Variants in ERCC6L observed in about 807,000 individuals in gnomAD.
ERCC6L encodes the protein ERCC excision repair 6 like, spindle assembly checkpoint helicase, also known as DNA excision repair protein ERCC-6-like.
In ERCC6L, 7 loss-of-function variants were observed where a neutral mutation model predicts 20.1. The ratio of observed to expected loss-of-function variants is 0.35; its 90% CI spans 0.20 to 0.65. The LOEUF is 0.65. Ranked by LOEUF, ERCC6L falls within the 30% of genes least tolerant of loss-of-function variation. The pLI, the probability that ERCC6L is intolerant of heterozygous loss-of-function variation, is 0.69. For missense variants in ERCC6L, 592 were observed against 892.4 expected (o/e 0.66, Z 4.29); for synonymous variants, 278 against 331.3 (o/e 0.84, Z 1.75).
At chrX:72,237,182 T>A (rs2043021563) in intron 1 of ERCC6L, among the ~76,000 whole-genome samples, 1 of 111,606 alleles carries the variant, frequency 9.0e-6, no homozygotes, top group African/African-American at 3.3e-5. Context: ...AACAAAAGTA[T>A]AATGGCAAAC....
intron 1 of ERCC6L, chrX:72,238,083 G>A (rs774224957): frequency 8.0e-5 from 9 of 111,942 alleles, no homozygotes; most frequent in Non-Finnish European, 1.1e-4. Flanking sequence ...AAGTTCTGGA[G>A]ATGACGGACG....
intron 1 of ERCC6L, among the ~76,000 whole-genome samples, chrX:72,224,677 G>A (rs1317582198): frequency 1.8e-5 from 2 of 111,191 alleles, no homozygotes; most frequent in Non-Finnish European, 3.8e-5. Context: ...TCCGGGAGGT[G>A]GAGGTTGCAG....
Position 72,205,130 on chromosome X carries a change from ACT to A in ERCC6L, c.3635_3636del (p.Glu1212ValfsTer13). On this transcript the variant is annotated frameshift_variant, in exon 2 of 2. Coordinates refer to ENST00000334463, the MANE Select transcript of ERCC6L (RefSeq NM_017669.4). LOFTEE classifies it high-confidence loss of function. ...TTTAGGGCCTCCTGGATTTTTCCAC[ACT>A]CTTTTAGTTCTTTTCCACGCTTTAC... ...TLVKRGKELK[E>X]CGKIQEALNC... 1 of 1,210,914 alleles carries A rather than the reference ACT, an allele frequency of 8.3e-7. No homozygotes were observed. Among genetic ancestry groups the A allele is most frequent in the Non-Finnish European group, 1.1e-6 (1 of 895,236 alleles).
rs2042820598 is a variant in ERCC6L at position 72,206,413 on chromosome X, T to C, written c.2354A>G (p.Glu785Gly). 4.1e-6 allele frequency: 5 copies of C among 1,209,692 alleles called. No homozygotes were observed. The highest frequency in any genetic ancestry group is 5.6e-6 in the Non-Finnish European group (5 of 894,534). ...CTTTATACTGGAGAGATCTTGTTTC[T>C]CACCCTCTTTGGGCAGATCATCAAT... ...VVIDDLPKEGEKQDLSSIKVN... is the reference protein window; with the variant it reads ...VVIDDLPKEGGKQDLSSIKVN... Residue 785 changes from glutamate (E) to glycine (G), a missense_variant, in exon 2 of 2, where the codon GAG (glutamate) becomes GGG (glycine). Physicochemically the swap from Glu to Gly is moderately conservative, Grantham distance 98. Coordinates refer to ENST00000334463, the MANE Select transcript of ERCC6L (RefSeq NM_017669.4).
intron 1 of ERCC6L, among the ~76,000 whole-genome samples, chrX:72,214,280 A>G (rs2042874222): frequency 8.9e-6 from 1 of 112,306 alleles, no homozygotes; most frequent in Non-Finnish European, 1.9e-5. Context: ...TAAATTAGGG[A>G]AAAATGTGGT....
rs1317439506 is a variant in ERCC6L, at chrX:72,206,645, C to T, written c.2122G>A (p.Val708Ile). Residue 708 changes from valine to isoleucine, a missense_variant, in exon 2 of 2, where the codon GTT (valine) becomes ATT (isoleucine). This residue lies in a region of ERCC6L where 352 missense variants were observed against 402.6 expected (regional missense o/e 0.87). Transcript: ENST00000334463. ...TCTTTATTTTGAGACTCGAATTCAACGAGGAATTGAGCTTTCTGAACCCTT... is the reference window on the plus strand; with the variant it reads ...TCTTTATTTTGAGACTCGAATTCAATGAGGAATTGAGCTTTCTGAACCCTT... ...QQRVQKAQFL[V>I]EFESQNKEFL... 4 of 1,211,366 alleles carry T rather than the reference C, an allele frequency of 3.3e-6. No homozygotes were observed. Among genetic ancestry groups the T allele is most frequent in the East Asian group, 3.0e-5 (1 of 33,827 alleles).
intron 1 of ERCC6L, among the ~76,000 whole-genome samples, chrX:72,219,399 C>T (rs990417070): frequency 2.8e-5 from 3 of 108,745 alleles, no homozygotes; most frequent in Non-Finnish European, 5.7e-5. Context: ...ACTAAAAATA[C>T]AAAAATTAGC....
At chrX:72,214,485 C>A (rs1277522918) in intron 1 of ERCC6L, among the ~76,000 whole-genome samples, 3 of 110,054 alleles carry the variant, frequency 2.7e-5, no homozygotes, top group Non-Finnish European at 5.7e-5. Flanking sequence ...ACCAGCCTGG[C>A]CAACATGGTG....
chrX:72,211,796 AAAAG>A (rs1370359313), intron 1 of ERCC6L, among the ~76,000 whole-genome samples: 6 of 111,430 alleles, frequency 5.4e-5, no homozygotes, highest in Admixed American at 3.8e-4. Context: ...AATAAAAAAA[AAAAG>A]AAATATTATA....
intron 1 of ERCC6L, among the ~76,000 whole-genome samples, chrX:72,226,240 C>T (rs1285452895): frequency 1.8e-5 from 2 of 111,679 alleles, no homozygotes; most frequent in East Asian, 2.8e-4. Context: ...CTTACTTCCA[C>T]TCACATAAAG....
chrX:72,232,057 T>A (rs1400822705), intron 1 of ERCC6L, among the ~76,000 whole-genome samples: 2 of 109,489 alleles, frequency 1.8e-5, no homozygotes, highest in African/African-American at 6.7e-5. Context: ...CCAGCCTAGA[T>A]GACAGAGCGA....
In ERCC6L at chrX:72,204,866, G is replaced by T; in HGVS notation, c.*148C>A. The T allele has an allele frequency of 2.5e-6, 1 of 407,504 alleles. No individual in the cohort carries two copies. Among genetic ancestry groups the T allele is most frequent in the Middle Eastern group, 6.7e-4 (1 of 1,483 alleles). 33.6% of individuals were successfully genotyped at this position (407,504 alleles called of 1,213,427 possible). On this transcript the variant is annotated 3_prime_UTR_variant, in exon 2 of 2. Coordinates refer to ENST00000334463, the MANE Select transcript of ERCC6L (RefSeq NM_017669.4). ...AGTGCTCAGAATACCAGACTATGGA[G>T]TGGGGGGCGTTGCAGGGCAGAAGTT...
At position 72,207,575 on chromosome X, in the gene ERCC6L, G is replaced by A. The variant is rs144123832; in HGVS notation, c.1192C>T (p.Arg398Cys). 4.0e-5 allele frequency: 48 copies of A among 1,209,516 alleles called. No homozygotes were observed. The highest frequency in any genetic ancestry group is 1.5e-4 in the East Asian group (5 of 33,760). ...DHIKELLMET[R>C]SPLAELGVLK... ...ACACCTAGCTCAGCCAAAGGTGAGC[G>A]CGTCTCCATTAGCAACTCCTTGATA... The change falls in exon 2 of 2, where the codon CGC becomes TGC. Residue 398 changes from arginine (R) to cysteine (C), a missense_variant. By Grantham distance (180) the Arg-to-Cys change is radical (BLOSUM62 -3). Coordinates refer to ENST00000334463, the MANE Select transcript of ERCC6L (RefSeq NM_017669.4).
chrX:72,215,379 T>G (rs1351019552), intron 1 of ERCC6L, among the ~76,000 whole-genome samples: 1 of 111,798 alleles, frequency 8.9e-6, no homozygotes, highest in African/African-American at 3.3e-5. Context: ...GTATGAAAAT[T>G]TTACTTTAAA....
intron 1 of ERCC6L, among the ~76,000 whole-genome samples, chrX:72,210,064 G>T (rs376120163): frequency 5.5e-5 from 6 of 108,883 alleles, no homozygotes; most frequent in Non-Finnish European, 1.1e-4. Flanking sequence ...GCAACCAGAG[G>T]GGGGGAAGAG....
At chrX:72,232,626 T>G (rs3012648) in intron 1 of ERCC6L, among the ~76,000 whole-genome samples, 1 of 110,144 alleles carries the variant, frequency 9.1e-6, no homozygotes, top group South Asian at 3.8e-4. Context: ...CTGGCTAACA[T>G]GACGAAACCC....
chrX:72,206,127 A>G lies in ERCC6L; in HGVS notation c.2640T>C (p.Asn880=), dbSNP rs752136934. ...TCTCATCATCCTTTAGTTGATCTAA[A>G]TTTGGCCCAATATCAGCTTTGGTTG... ...SKSTKADIGP[N]LDQLKDDEIL... The change falls in exon 2 of 2, where the codon AAT becomes AAC. Residue 880 remains asparagine, a synonymous_variant. Coordinates refer to ENST00000334463, the MANE Select transcript of ERCC6L (RefSeq NM_017669.4). 1.7e-6 allele frequency: 2 copies of G among 1,211,881 alleles called. No homozygotes were observed. Among genetic ancestry groups the G allele is most frequent in the South Asian group, 1.8e-5 (1 of 56,963 alleles).
intron 1 of ERCC6L, among the ~76,000 whole-genome samples, chrX:72,220,862 T>G (rs934368071): frequency 8.9e-6 from 1 of 112,046 alleles, no homozygotes; most frequent in African/African-American, 3.2e-5. Context: ...TGTGTTTCTT[T>G]TCTCTTTCTT....
intron 1 of ERCC6L, among the ~76,000 whole-genome samples, chrX:72,236,522 C>T (rs1046733158): frequency 5.4e-5 from 6 of 111,468 alleles, no homozygotes; most frequent in African/African-American, 1.6e-4. Context: ...TCTTGAACTC[C>T]TGACCTCGTG....
Sources: gnomAD v4.1 joint callset for allele counts (sites outside exome capture counted in the v4.1 genomes callset) on GRCh38, gnomAD v4.1.1 for gene constraint, gnomAD v4.1.1 regional missense constraint, MANE v1.5 for transcripts, NCBI Gene and HGNC (gene_info 2026-07-23, HGNC 2026-07-21) for gene names.